Variants in CCDC144A observed in about 807,000 individuals in gnomAD.
CCDC144A encodes the protein coiled-coil domain-containing protein 144A.
CCDC144A carries 41 observed loss-of-function variants against 143.8 expected under a neutral mutation model. The observed-to-expected ratio is 0.29, with a 90% confidence interval of 0.22 to 0.37. The LOEUF (loss-of-function observed/expected upper bound fraction) is 0.37. Ranked by LOEUF, CCDC144A falls within the 10% of genes least tolerant of loss-of-function variation. The pLI, the probability that CCDC144A is intolerant of heterozygous loss-of-function variation, is 1.00. For synonymous variants in CCDC144A, 242 were observed against 517.9 expected, an observed-to-expected ratio of 0.47 and a Z score of 7.23; for missense variants, 637 against 1,488.8, an observed-to-expected ratio of 0.43 and a Z score of 9.41.
At chr17:16,754,421 T>C (rs562081570) in intron 12 of CCDC144A, among the ~76,000 whole-genome samples, 1 of 152,352 alleles carries the variant, frequency 6.6e-6, no homozygotes, top group East Asian at 1.9e-4. Flanking sequence ...TTAGTGCTTC[T>C]TTTGTCACTT....
chr17:16,748,927 T>C (rs1284333079), intron 12 of CCDC144A, among the ~76,000 whole-genome samples: 1 of 152,180 alleles, frequency 6.6e-6, no homozygotes, highest in Non-Finnish European at 1.5e-5. Context: ...TTGGTTGTAA[T>C]GTCGTCTTTG....
chr17:16,744,123 T>C (rs1914382380), intron 12 of CCDC144A, among the ~76,000 whole-genome samples: 1 of 152,268 alleles, frequency 6.6e-6, no homozygotes, highest in Non-Finnish European at 1.5e-5. Flanking sequence ...TTTGCTGTTG[T>C]GAATAGTGCT....
At chr17:16,693,127 C>G (rs1219763595) in intron 2 of CCDC144A, 78 bp downstream of exon 2, 9 of 1,536,706 alleles carry the variant, frequency 5.9e-6, no homozygotes, top group Non-Finnish European at 5.2e-6. Flanking sequence ...AAGTTTTGAT[C>G]ATGAAAGAGC....
At chr17:16,683,651 A>G in the CCDC144A span, 1 of 1,610,178 alleles carries the variant, frequency 6.2e-7, no homozygotes, top group Non-Finnish European at 8.5e-7. Flanking sequence ...TTGTCAGGAA[A>G]TCTGCAAGCC....
chr17:16,756,833 G>C (rs1226556042), intron 12 of CCDC144A, among the ~76,000 whole-genome samples: 1 of 152,096 alleles, frequency 6.6e-6, no homozygotes, highest in Admixed American at 6.5e-5. Flanking sequence ...TGGCATTGAT[G>C]ATGGGTGGGT....
At chr17:16,696,331 C>T (rs3101958) in intron 2 of CCDC144A, among the ~76,000 whole-genome samples, 87,227 of 145,468 alleles carry the variant, frequency 0.6, 27,267 homozygotes, top group African/African-American at 0.73. Flanking sequence ...TTTAATACTA[C>T]AGAAATGAGT....
chr17:16,776,489 T>C lies in CCDC144A; in HGVS notation c.*2856T>C. On this transcript the variant is annotated 3_prime_UTR_variant, in exon 17 of 17. Transcript: ENST00000399273. ...TTGTGAATGGGAGTTAATTCATGAG[T>C]TTTCTCTCGGCTTGCCTGTTGTTGG... 2 of 152,350 alleles carry C rather than the reference T, an allele frequency of 1.3e-5. No homozygotes were observed. Among genetic ancestry groups the C allele is most frequent in the Non-Finnish European group, 2.9e-5 (2 of 68,060 alleles). The allele number at this position is 152,350 out of a possible 1,614,324, so 9.4% of individuals were successfully genotyped here.
intron 12 of CCDC144A, among the ~76,000 whole-genome samples, chr17:16,750,947 T>G (rs397842925): frequency 6.6e-6 from 1 of 152,210 alleles, no homozygotes; most frequent in African/African-American, 2.4e-5. Context: ...CTTCCTTGGA[T>G]TGGATTTCAA....
At chr17:16,674,607 G>A in the CCDC144A span, among the ~76,000 whole-genome samples, 16 of 151,058 alleles carry the variant, frequency 1.1e-4, no homozygotes, top group Admixed American at 9.3e-4. Flanking sequence ...AGGGAGGGAG[G>A]GAAGGAGGGA....
intron 12 of CCDC144A, among the ~76,000 whole-genome samples, chr17:16,757,766 G>C (rs1480965819): frequency 6.6e-6 from 1 of 152,250 alleles, no homozygotes; most frequent in African/African-American, 2.4e-5. Flanking sequence ...GTGTCAGTCA[G>C]GTGGCTCCTA....
chr17:16,709,616 A>G lies in CCDC144A; in HGVS notation c.1559A>G (p.Asp520Gly), dbSNP rs771560111. Residue 520 changes from aspartate to glycine, a missense_variant, in exon 5 of 17, where the codon GAT becomes GGT. Coordinates refer to ENST00000399273, the MANE Select transcript of CCDC144A (RefSeq NM_001382000.1). ...GAGTTCCTGGCTTTGAAGAAAGAAG[A>G]TGTTCAACTTCATAAAGATGTAGGG... The part of the protein sequence containing the change: ...EEEFLALKKE[D>G]VQLHKDVEEE... The G allele has an allele frequency of 2.5e-6, 4 of 1,611,462 alleles. No homozygotes were observed. The highest frequency in any genetic ancestry group is 3.4e-6 in the Non-Finnish European group (4 of 1,179,596).
intron 2 of CCDC144A, among the ~76,000 whole-genome samples, chr17:16,699,559 G>T (rs1911617783): frequency 1.2e-5 from 1 of 84,642 alleles, no homozygotes. Flanking sequence ...TTTTTTGAAC[G>T]GGTGTGATTA....
chr17:16,771,593 A>T (rs905650888), intron 15 of CCDC144A, among the ~76,000 whole-genome samples: 2 of 152,268 alleles, frequency 1.3e-5, no homozygotes, highest in African/African-American at 4.8e-5. Flanking sequence ...CTATTCATTA[A>T]AGTGAAAAAC....
chr17:16,682,894 T>G, the CCDC144A span, among the ~76,000 whole-genome samples: 33 of 108,120 alleles, frequency 3.1e-4, no homozygotes, highest in Middle Eastern at 4.1e-3. Context: ...TTTTTTTTTT[T>G]TTTTTTTTTT....
upstream of CCDC144A, among the ~76,000 whole-genome samples, chr17:16,688,482 C>CTTTTTTT (rs1567579106): frequency 1.8e-5 from 2 of 108,588 alleles, no homozygotes; most frequent in African/African-American, 7.3e-5. Flanking sequence ...TTTTCTTTTT[C>CTTTTTTT]TGTTTTTTTT....
intron 12 of CCDC144A, chr17:16,746,757 C>T: frequency 6.2e-7 from 1 of 1,607,864 alleles, no homozygotes; most frequent in Non-Finnish European, 8.5e-7. Flanking sequence ...CGGCAGATGA[C>T]CACCTGCGGG....
intron 12 of CCDC144A, among the ~76,000 whole-genome samples, chr17:16,758,182 T>G (rs951041584): frequency 6.6e-6 from 1 of 152,110 alleles, no homozygotes; most frequent in African/African-American, 2.4e-5. Context: ...TAACTATAAT[T>G]TAAAAGATTT....
rs547042759 is a variant in CCDC144A, at chr17:16,699,847, CA to C, written c.416-5303del. ...GCTTTTTAAAATTACTTTCTGACAT[CA>C]GTTTCATGCATTTTTAATGCCTTTA... On this transcript the variant is annotated intron_variant, in intron 2 of 16. Coordinates refer to ENST00000399273, the MANE Select transcript of CCDC144A (RefSeq NM_001382000.1). Among the ~76,000 whole-genome samples, 1,054 of 152,026 alleles carry C rather than the reference CA, an allele frequency of 6.9e-3. 19 individuals are homozygous for C. The highest frequency in any genetic ancestry group is 0.024 in the African/African-American group (1,005 of 41,334).
chr17:16,745,862 C>G lies in CCDC144A; in HGVS notation c.3372+10219C>G, dbSNP rs930301626. On this transcript the variant is annotated intron_variant, in intron 12 of 16. Coordinates refer to ENST00000399273, the MANE Select transcript of CCDC144A (RefSeq NM_001382000.1). ...CCCCCGGAGCCCCGCTGTCCTGGCT[C>G]CCCTTCTTCCCTCTGTCTTGGCCAG... 1.9e-5 allele frequency: 30 copies of G among 1,594,800 alleles called. No individual in the cohort carries two copies. In the African/African-American group the frequency reaches 3.9e-4, roughly 21 times the overall value.
Sources: gnomAD v4.1 joint callset for allele counts (sites outside exome capture counted in the v4.1 genomes callset) on GRCh38, gnomAD v4.1.1 for gene constraint, MANE v1.5 for transcripts, NCBI Gene and HGNC (gene_info 2026-07-23, HGNC 2026-07-21) for gene names.